Variants in SUPT3H observed in about 807,000 individuals in gnomAD.
The protein encoded by SUPT3H is transcription initiation protein SPT3 homolog.
Under a neutral mutation model 44.3 loss-of-function variants are expected in SUPT3H, and 44 were observed. The ratio of observed to expected loss-of-function variants is 0.99; its 90% CI spans 0.78 to 1.28. The LOEUF (loss-of-function observed/expected upper bound fraction) is 1.28, where lower values mean the gene tolerates loss of function less well. Among genes scored for constraint, SUPT3H ranks in the 50% most tolerant of loss-of-function variants. The probability of loss-of-function intolerance (pLI) is 0.00; values close to 1 mark genes in which losing one functional copy is unlikely to be tolerated. For missense variants in SUPT3H, 380 were observed against 387.1 expected (o/e 0.98, Z 0.15); for synonymous variants, 124 against 125.6 (o/e 0.99, Z 0.09).
In SUPT3H at chr6:44,888,400, CA is replaced by C. The variant is rs1388650787; in HGVS notation, c.912+44252del. Among the ~76,000 whole-genome samples, 11 of 152,204 alleles carry C rather than the reference CA, an allele frequency of 7.2e-5. No homozygotes were observed. In the East Asian group the frequency reaches 2.1e-3, roughly 29 times the overall value. Reference sequence around the variant, plus strand: ...TGGCAAACCGAATCCAGCAGCACATCAAAAAGCTTATCCACCATGATCAAGT... The same window carrying C: ...TGGCAAACCGAATCCAGCAGCACATCAAAAGCTTATCCACCATGATCAAGT... On this transcript the variant is annotated intron_variant, in intron 10 of 10. Coordinates refer to ENST00000371459, the MANE Select transcript of SUPT3H (RefSeq NM_003599.4).
At chr6:44,947,644 TA>T (rs920697125) in intron 9 of SUPT3H, among the ~76,000 whole-genome samples, 4 of 152,152 alleles carry the variant, frequency 2.6e-5, no homozygotes, top group Admixed American at 6.5e-5. Flanking sequence ...ATATTAAGCT[TA>T]AAAAATAACA....
chr6:45,296,189 C>T lies in SUPT3H; in HGVS notation c.101+69012G>A, dbSNP rs201528713. ...TACATATATACATACACATACTACACACACACACACACACACACACACACA... is the reference window on the plus strand; with the variant it reads ...TACATATATACATACACATACTACATACACACACACACACACACACACACA... On this transcript the variant is annotated intron_variant, in intron 2 of 10. Transcript: ENST00000371459. Among the ~76,000 whole-genome samples the T allele has an allele frequency of 3.0e-3, 394 of 129,368 alleles. 2 individuals carry two copies. Among genetic ancestry groups the T allele is most frequent in the African/African-American group, 1.0e-2 (366 of 36,748 alleles). 84.9% of individuals were successfully genotyped at this position (129,368 alleles called of 152,430 possible).
intron 2 of SUPT3H, among the ~76,000 whole-genome samples, chr6:45,115,819 A>T (rs1800761291): frequency 6.6e-6 from 1 of 152,194 alleles, no homozygotes; most frequent in African/African-American, 2.4e-5. Context: ...ACTGAATATT[A>T]TACTAGCTGA....
Position 45,016,533 on chromosome 6 carries a change from C to T in SUPT3H, c.274-1642G>A, listed in dbSNP as rs371486692. On this transcript the variant is annotated intron_variant, in intron 4 of 10. Coordinates refer to ENST00000371459, the MANE Select transcript of SUPT3H (RefSeq NM_003599.4). ...AACAGTCCCCAGAGTGTGATGTTCCCCTTACTGTGTCCATGTGTTCTCATT... is the reference window on the plus strand; with the variant it reads ...AACAGTCCCCAGAGTGTGATGTTCCTCTTACTGTGTCCATGTGTTCTCATT... Among the ~76,000 whole-genome samples, 23 of 135,370 alleles carry T rather than the reference C, an allele frequency of 1.7e-4. 1 individual carries two copies. In the East Asian group the frequency reaches 3.8e-3, roughly 22 times the overall value. The allele number at this position is 135,370 out of a possible 152,430, so 88.8% of individuals were successfully genotyped here. A position where few individuals can be genotyped will look rare whatever the true frequency, so the allele number is the denominator to read the frequency against.
At chr6:45,165,873 CT>C (rs1809759296) in intron 2 of SUPT3H, among the ~76,000 whole-genome samples, 2 of 152,078 alleles carry the variant, frequency 1.3e-5, no homozygotes, top group African/African-American at 4.8e-5. Flanking sequence ...ACTAAATGAT[CT>C]AACATAGGTA....
At chr6:45,260,994 A>C (rs1192914857) in intron 2 of SUPT3H, among the ~76,000 whole-genome samples, 1 of 152,138 alleles carries the variant, frequency 6.6e-6, no homozygotes, top group Non-Finnish European at 1.5e-5. Context: ...ACACCACCAG[A>C]TAGGCCAGCT....
intron 3 of SUPT3H, among the ~76,000 whole-genome samples, chr6:45,086,709 AATG>A (rs1321052112): frequency 2.0e-5 from 3 of 151,978 alleles, no homozygotes. Context: ...ATTGGTTCAT[AATG>A]ATGTCACAGG....
intron 2 of SUPT3H, among the ~76,000 whole-genome samples, chr6:45,108,706 T>C (rs190528102): frequency 6.6e-6 from 1 of 152,278 alleles, no homozygotes; most frequent in African/African-American, 2.4e-5. Flanking sequence ...ATAAAGTGAA[T>C]CTGCTAAGAC....
intron 11 of SUPT3H, among the ~76,000 whole-genome samples, chr6:44,816,835 C>G (rs536292087): frequency 4.6e-4 from 70 of 152,222 alleles, no homozygotes; most frequent in Non-Finnish European, 9.1e-4. Flanking sequence ...GGGAAGATCA[C>G]TTGAGGCCAG....
chr6:45,139,776 A>T (rs1804870449), intron 2 of SUPT3H, among the ~76,000 whole-genome samples: 1 of 152,066 alleles, frequency 6.6e-6, no homozygotes, highest in Non-Finnish European at 1.5e-5. Context: ...GCCCACCTTC[A>T]TATATCTCAC....
intron 2 of SUPT3H, among the ~76,000 whole-genome samples, chr6:45,268,665 C>T (rs1385848467): frequency 6.6e-6 from 1 of 152,040 alleles, no homozygotes; most frequent in Non-Finnish European, 1.5e-5. Context: ...AACTATTCAA[C>T]AAAACTAAAT....
intron 9 of SUPT3H, among the ~76,000 whole-genome samples, chr6:44,939,032 T>C (rs1256199453): frequency 1.3e-5 from 2 of 152,210 alleles, no homozygotes; most frequent in African/African-American, 4.8e-5. Flanking sequence ...ATTTTACTTC[T>C]TCTTTTCCAA....
At chr6:45,175,462 A>C (rs1483475688) in intron 2 of SUPT3H, among the ~76,000 whole-genome samples, 1 of 152,170 alleles carries the variant, frequency 6.6e-6, no homozygotes, top group Non-Finnish European at 1.5e-5. Flanking sequence ...CCCATGATTC[A>C]ATTACCTCCA....
intron 10 of SUPT3H, among the ~76,000 whole-genome samples, chr6:44,841,603 C>G (rs1770951560): frequency 1.3e-5 from 2 of 152,142 alleles, no homozygotes; most frequent in Non-Finnish European, 2.9e-5. Flanking sequence ...TGACTGACAG[C>G]CTTCAATAAT....
At chr6:45,312,477 T>C (rs563766016) in intron 2 of SUPT3H, among the ~76,000 whole-genome samples, 4 of 145,202 alleles carry the variant, frequency 2.8e-5, no homozygotes, top group Non-Finnish European at 4.5e-5. Context: ...ATCGTGCCAC[T>C]GCACTCCAGC....
intron 2 of SUPT3H, among the ~76,000 whole-genome samples, chr6:45,120,679 C>G (rs1310248444): frequency 1.3e-5 from 2 of 152,070 alleles, no homozygotes; most frequent in African/African-American, 4.8e-5. Flanking sequence ...TGAACAAATT[C>G]TTCCAAGTCA....
chr6:45,377,641 G>C (rs1179090159), intron 1 of SUPT3H, 127 bp downstream of exon 1: 9 of 152,152 alleles, frequency 5.9e-5, no homozygotes, highest in East Asian at 1.9e-4. Context: ...AGCCGCCCTC[G>C]AGCCGGGGCC....
intron 6 of SUPT3H, among the ~76,000 whole-genome samples, chr6:45,003,108 A>G (rs151215306): frequency 2.8e-4 from 42 of 152,326 alleles, no homozygotes; most frequent in Non-Finnish European, 5.3e-4. Flanking sequence ...GAAGACATAT[A>G]ATTTTCAAAT....
intron 2 of SUPT3H, among the ~76,000 whole-genome samples, chr6:45,362,757 G>A (rs866980117): frequency 2.0e-5 from 3 of 152,100 alleles, no homozygotes; most frequent in Admixed American, 1.3e-4. Context: ...TTTGCATTCC[G>A]AATTCAGCTT....
Sources: allele counts gnomAD v4.1 joint callset (sites outside exome capture counted in the v4.1 genomes callset), GRCh38; gene constraint gnomAD v4.1.1; transcripts MANE v1.5; gene names NCBI Gene and HGNC (gene_info 2026-07-23, HGNC 2026-07-21).